Variants in MYO9B observed in about 807,000 individuals in gnomAD.
MYO9B encodes the protein myosin IXB, also known as unconventional myosin-IXb.
In MYO9B, 71 loss-of-function variants were observed where a neutral mutation model predicts 229.5. The observed-to-expected ratio is 0.31, with a 90% CI of 0.26 to 0.38. The LOEUF (loss-of-function observed/expected upper bound fraction) is 0.38, where lower values mean the gene tolerates loss of function less well. Among genes scored for constraint, MYO9B ranks in the 10% least tolerant of loss-of-function variants. The pLI is 1.00. For missense variants in MYO9B, 2,255 were observed against 2,920.5 expected, an observed-to-expected ratio of 0.77 and a Z score of 5.25; for synonymous variants, 1,185 against 1,235.8, an observed-to-expected ratio of 0.96 and a Z score of 0.86.
At position 17,185,915 on chromosome 19, in the gene MYO9B, T is replaced by C; in HGVS notation, c.2497-6T>C. On this transcript the variant is annotated splice_polypyrimidine_tract_variant and splice_region_variant and intron_variant, in intron 17 of 39. Transcript: ENST00000682292. ...CAACCCAAATGCTTTCTCTTTCCCT[T>C]AACAGACATCCCTTAACAAGCTCTT... 6 of 1,613,146 alleles carry C rather than the reference T, an allele frequency of 3.7e-6. No homozygotes were observed. Among genetic ancestry groups the C allele is most frequent in the Non-Finnish European group, 5.1e-6 (6 of 1,179,152 alleles).
rs2073116915 is a variant in MYO9B, at chr19:17,202,390, A to G, written c.4836+87A>G. 4 of 1,341,118 alleles carry G rather than the reference A, an allele frequency of 3.0e-6. No individual in the cohort carries two copies. The South Asian group carries it at 4.1e-5, about 14-fold the overall frequency. 83.1% of individuals were successfully genotyped at this position (1,341,118 alleles called of 1,614,324 possible). On this transcript the variant is annotated intron_variant, in intron 28 of 39. Transcript: ENST00000682292. ...CCTTAGCCACGCCCACCCATGCCTC[A>G]CCATGCTTATGCCACACCCACCCAT...
chr19:17,117,951 A>G (rs2057922191), intron 2 of MYO9B, among the ~76,000 whole-genome samples: 2 of 151,392 alleles, frequency 1.3e-5, no homozygotes, highest in South Asian at 4.2e-4. Context: ...AAAAAAAAAA[A>G]AAAAAAGAAA....
rs79690381 is a variant in MYO9B at position 17,123,771 on chromosome 19, A to G, written c.840+21214A>G. Among the ~76,000 whole-genome samples, 271 of 152,292 alleles carry G rather than the reference A, an allele frequency of 1.8e-3. 5 individuals are homozygous for G. The East Asian group carries it at 0.037, about 21-fold the overall frequency. On this transcript the variant is annotated intron_variant, in intron 2 of 39. Coordinates refer to ENST00000682292, the MANE Select transcript of MYO9B (RefSeq NM_004145.4). The stretch of plus-strand genomic sequence containing the variant: ...ACACACAGCTTGGTTGAGTAGATAG[A>G]AAATAGGCAAGGATGTTAAGACGCC...
intron 20 of MYO9B, among the ~76,000 whole-genome samples, chr19:17,192,039 CT>C (rs2072990822): frequency 6.6e-6 from 1 of 151,960 alleles, no homozygotes; most frequent in African/African-American, 2.4e-5. Flanking sequence ...TCACTGCAAC[CT>C]CCGTCTCCCA....
intron 18 of MYO9B, 38 bp downstream of exon 18, chr19:17,186,039 T>C (rs554136676): frequency 5.7e-6 from 9 of 1,585,202 alleles, no homozygotes; most frequent in South Asian, 1.1e-5. Context: ...AGAAGGCCCA[T>C]GCCGGACTCT....
intron 1 of MYO9B, among the ~76,000 whole-genome samples, chr19:17,088,338 A>C (rs200391363): frequency 6.6e-6 from 1 of 152,320 alleles, no homozygotes; most frequent in Admixed American, 6.5e-5. Context: ...CCTGATCTTA[A>C]CTGACTACAT....
intron 17 of MYO9B, among the ~76,000 whole-genome samples, chr19:17,185,485 G>A (rs2072908180): frequency 6.6e-6 from 1 of 150,876 alleles, no homozygotes; most frequent in Non-Finnish European, 1.5e-5. Context: ...GGCGGAGGCT[G>A]TAGTGAGCCA....
intron 3 of MYO9B, among the ~76,000 whole-genome samples, chr19:17,147,208 G>A (rs549690407): frequency 6.6e-6 from 1 of 152,160 alleles, no homozygotes; most frequent in Non-Finnish European, 1.5e-5. Flanking sequence ...ACCTCTCCAT[G>A]AAGACCCCAC....
chr19:17,191,962 T>C (rs7508335), intron 20 of MYO9B, among the ~76,000 whole-genome samples: 6 of 146,408 alleles, frequency 4.1e-5, no homozygotes, highest in African/African-American at 1.5e-4. Flanking sequence ...ATTTCTTTTT[T>C]CTTTTTTGTT....
chr19:17,194,603 GGGAAGCCCT>G lies in MYO9B; in HGVS notation c.3184_3192del (p.Leu1062_Ala1064del). ...AAGCAGAAGGCAGAAGAGAAGGAGA[GGGAAGCCCT>G]GGAAGCCGCAAGAGCAGGTGCTGAG... On this transcript the variant is annotated inframe_deletion, in exon 22 of 40. Transcript: ENST00000682292. 6.2e-7 allele frequency: 1 copy of G among 1,612,878 alleles called. No homozygotes were observed. The highest frequency in any genetic ancestry group is 8.5e-7 in the Non-Finnish European group (1 of 1,179,866).
chr19:17,184,754 G>C (rs1462470115), intron 16 of MYO9B, 111 bp from the exon 17 acceptor site: 29 of 1,418,998 alleles, frequency 2.0e-5, no homozygotes, highest in Non-Finnish European at 2.8e-5. Context: ...TGCTGCCCGG[G>C]CACTCGCTGC....
intron 2 of MYO9B, 127 bp downstream of exon 2, chr19:17,102,684 T>G (rs2057756778): frequency 2.3e-6 from 3 of 1,332,116 alleles, no homozygotes; most frequent in Admixed American, 5.7e-5. Context: ...GAGGATTGCT[T>G]GAGCCCAGGA....
intron 2 of MYO9B, among the ~76,000 whole-genome samples, chr19:17,110,329 A>G (rs1599332879): frequency 6.6e-6 from 1 of 152,250 alleles, no homozygotes; most frequent in Non-Finnish European, 1.5e-5. Flanking sequence ...TAGGGGCTGC[A>G]GAAGCCATGA....
chr19:17,130,823 T>G (rs1244357391), intron 2 of MYO9B, among the ~76,000 whole-genome samples: 1 of 151,956 alleles, frequency 6.6e-6, no homozygotes, highest in African/African-American at 2.4e-5. Flanking sequence ...CGTTCAACCC[T>G]GGATGTCTCT....
chr19:17,197,880 C>G, intron 23 of MYO9B, 22 bp downstream of exon 23: 1 of 1,611,490 alleles, frequency 6.2e-7, no homozygotes, highest in Non-Finnish European at 8.5e-7. Flanking sequence ...ACGGCAAAAC[C>G]CCGTCTCCAC....
chr19:17,189,912 A>C (rs931631561), intron 19 of MYO9B, among the ~76,000 whole-genome samples: 4 of 151,818 alleles, frequency 2.6e-5, no homozygotes, highest in African/African-American at 9.7e-5. Flanking sequence ...AAAAAATTTA[A>C]AAATTAGCCG....
intron 1 of MYO9B, among the ~76,000 whole-genome samples, chr19:17,093,510 C>T (rs1379098377): frequency 6.6e-6 from 1 of 152,132 alleles, no homozygotes; most frequent in South Asian, 2.1e-4. Flanking sequence ...CCATGTGGCA[C>T]CTGGGAACCT....
intron 1 of MYO9B, among the ~76,000 whole-genome samples, chr19:17,079,461 A>T (rs2057515247): frequency 2.0e-5 from 3 of 152,066 alleles, no homozygotes. Context: ...TCTTAGAATG[A>T]TCTGTTGCTT....
intron 1 of MYO9B, among the ~76,000 whole-genome samples, chr19:17,077,221 C>T (rs1037030008): frequency 6.6e-6 from 1 of 152,210 alleles, no homozygotes; most frequent in East Asian, 1.9e-4. Flanking sequence ...CATTTCTCCC[C>T]TTTCCCAACT....
Sources: allele counts gnomAD v4.1 joint callset (sites outside exome capture counted in the v4.1 genomes callset), GRCh38; gene constraint gnomAD v4.1.1; transcripts MANE v1.5; gene names NCBI Gene and HGNC (gene_info 2026-07-23, HGNC 2026-07-21).